CCDC73: variants seen among roughly 807,000 people sequenced by gnomAD.
The protein encoded by CCDC73 is coiled-coil domain containing 73.
A neutral mutation model predicts 116.5 loss-of-function variants in CCDC73; 95 were observed. The ratio of observed to expected loss-of-function variants is 0.82; its 90% CI spans 0.69 to 0.97. The LOEUF is 0.97. Among genes scored for constraint, CCDC73 ranks in the 50% least tolerant of loss-of-function variants. The pLI, the probability that CCDC73 is intolerant of heterozygous loss-of-function variation, is 0.00. For missense variants in CCDC73, 1,066 were observed against 1,206.8 expected (o/e 0.88, Z 1.73); for synonymous variants, 398 against 401.3 (o/e 0.99, Z 0.10).
chr11:32,805,777 T>C, the CCDC73 span, among the ~76,000 whole-genome samples: 1 of 152,140 alleles, frequency 6.6e-6, no homozygotes, highest in African/African-American at 2.4e-5. Flanking sequence ...AATTTCCACA[T>C]CTTTATGCCT....
chr11:32,797,147 T>G (rs1850733587), upstream of CCDC73, among the ~76,000 whole-genome samples: 1 of 152,166 alleles, frequency 6.6e-6, no homozygotes, highest in South Asian at 2.1e-4. Context: ...CTATCAGCAG[T>G]TAGAAACTGC....
At chr11:32,731,875 G>C (rs1480844477) in intron 2 of CCDC73, among the ~76,000 whole-genome samples, 1 of 152,224 alleles carries the variant, frequency 6.6e-6, no homozygotes, top group African/African-American at 2.4e-5. Context: ...AAGGAAAGCA[G>C]CTCCTCGCCA....
Position 32,613,891 on chromosome 11 carries a change from T to C in CCDC73, c.2427A>G (p.Lys809=), listed in dbSNP as rs369352957. ...CCTGATTCTCATCAATCTGATTCTT[T>C]TTATTGGAAAACTCTGTTTCTGTGC... ...KTCTETEFSN[K]KNQIDENQVT... is the part of the protein sequence containing the mutation. Residue 809 remains lysine, a synonymous_variant, in exon 16 of 18, where the codon AAA becomes AAG. Transcript: ENST00000335185. The C allele has an allele frequency of 1.9e-6, 3 of 1,613,120 alleles. No homozygotes were observed. In the African/African-American group the frequency reaches 4.0e-5, roughly 22 times the overall value.
intron 6 of CCDC73, among the ~76,000 whole-genome samples, chr11:32,696,174 C>A (rs1256098249): frequency 6.6e-6 from 1 of 152,080 alleles, no homozygotes; most frequent in Non-Finnish European, 1.5e-5. Flanking sequence ...TTTGTATTAA[C>A]AAACTTAATA....
At chr11:32,616,893 A>G (rs564259169) in intron 14 of CCDC73, among the ~76,000 whole-genome samples, 1 of 152,306 alleles carries the variant, frequency 6.6e-6, no homozygotes, top group South Asian at 2.1e-4. Flanking sequence ...CTATGGGCAC[A>G]TGCAGGAATA....
intron 2 of CCDC73, among the ~76,000 whole-genome samples, chr11:32,738,331 G>A (rs1235826078): frequency 6.6e-6 from 1 of 152,134 alleles, no homozygotes; most frequent in Admixed American, 6.6e-5. Flanking sequence ...CAGTGTATGA[G>A]GGTTCTCTTT....
At chr11:32,630,678 T>C (rs756878390) in intron 14 of CCDC73, among the ~76,000 whole-genome samples, 20 of 152,194 alleles carry the variant, frequency 1.3e-4, no homozygotes, top group Non-Finnish European at 2.5e-4. Flanking sequence ...TACATAACCA[T>C]GCCCACTTCT....
At chr11:32,809,299 A>G in the CCDC73 span, among the ~76,000 whole-genome samples, 1 of 152,224 alleles carries the variant, frequency 6.6e-6, no homozygotes, top group East Asian at 1.9e-4. Flanking sequence ...TTGTGAGCTC[A>G]CAAAATAAGA....
chr11:32,745,525 G>C (rs1423078468), intron 2 of CCDC73, among the ~76,000 whole-genome samples: 3 of 152,128 alleles, frequency 2.0e-5, no homozygotes, highest in African/African-American at 7.2e-5. Context: ...CTATTATTGT[G>C]TGGGAGTCTA....
chr11:32,666,829 G>A (rs1476386308), intron 9 of CCDC73, among the ~76,000 whole-genome samples: 2 of 152,172 alleles, frequency 1.3e-5, no homozygotes, highest in East Asian at 3.9e-4. Context: ...ACGTACAGAT[G>A]GGGTTTTCGT....
intron 6 of CCDC73, among the ~76,000 whole-genome samples, chr11:32,689,733 C>T (rs1216762055): frequency 2.6e-5 from 4 of 152,064 alleles, no homozygotes; most frequent in South Asian, 4.1e-4. Context: ...AAATTACTCA[C>T]GGCTGTAATC....
the CCDC73 span, among the ~76,000 whole-genome samples, chr11:32,804,780 G>T: frequency 6.6e-6 from 1 of 152,128 alleles, no homozygotes; most frequent in East Asian, 1.9e-4. Flanking sequence ...TCAAAACAAA[G>T]GTTTACTTAA....
rs763945436 is a variant in CCDC73 at position 32,649,573 on chromosome 11, C to T, written c.939+3550G>A. Among the ~76,000 whole-genome samples, 36 of 152,216 alleles carry T rather than the reference C, an allele frequency of 2.4e-4. 1 individual carries two copies. The highest frequency in any genetic ancestry group is 2.0e-3 in the Admixed American group (31 of 15,288). On this transcript the variant is annotated intron_variant, in intron 12 of 17. Coordinates refer to ENST00000335185, the MANE Select transcript of CCDC73 (RefSeq NM_001008391.4). ...AGAATGAGAATGCTCCTCAAGAAAA[C>T]ACCTGAGATATCTATGCAACATAAT...
the CCDC73 span, among the ~76,000 whole-genome samples, chr11:32,826,660 C>CA: frequency 2.2e-3 from 292 of 133,266 alleles, 1 homozygote; most frequent in Non-Finnish European, 3.6e-3. Flanking sequence ...AAAAAAAAAA[C>CA]AAAAAAAAAA....
intron 6 of CCDC73, among the ~76,000 whole-genome samples, chr11:32,693,640 G>T (rs1856282023): frequency 6.6e-6 from 1 of 152,156 alleles, no homozygotes; most frequent in Admixed American, 6.5e-5. Context: ...GAATATCCCT[G>T]ATGAACATCG....
the CCDC73 span, among the ~76,000 whole-genome samples, chr11:32,804,142 C>A: frequency 3.3e-5 from 5 of 151,052 alleles, no homozygotes; most frequent in African/African-American, 1.2e-4. Flanking sequence ...TTGAAAACAT[C>A]ATTTCGTTTT....
the CCDC73 span, among the ~76,000 whole-genome samples, chr11:32,817,660 A>G: frequency 6.6e-6 from 1 of 152,148 alleles, no homozygotes; most frequent in African/African-American, 2.4e-5. Flanking sequence ...ATGACTCCTC[A>G]CTACCTACTG....
chr11:32,613,472 G>A lies in CCDC73; in HGVS notation c.2846C>T (p.Ala949Val). ...ATCCACACCAATATTTTTACAAAGA[G>A]CCATTGAAATGATCTTTTTGTTTTC... is the stretch of plus-strand genomic sequence containing the variant. ...PSENKKIISMALCKNIGVDDV... is the reference protein window; with the variant it reads ...PSENKKIISMVLCKNIGVDDV... The change falls in exon 16 of 18, where the codon GCT becomes GTT. Residue 949 changes from alanine to valine, a missense_variant. Transcript: ENST00000335185. 1 of 1,613,850 alleles carries A rather than the reference G, an allele frequency of 6.2e-7. No homozygotes were observed. Among genetic ancestry groups the A allele is most frequent in the Non-Finnish European group, 8.5e-7 (1 of 1,179,890 alleles).
intron 6 of CCDC73, among the ~76,000 whole-genome samples, chr11:32,686,001 T>A (rs976556668): frequency 6.6e-6 from 1 of 151,920 alleles, no homozygotes; most frequent in African/African-American, 2.4e-5. Context: ...ATTAGAGGCG[T>A]GAGCCACCGC....
Sources: allele counts gnomAD v4.1 joint callset (sites outside exome capture counted in the v4.1 genomes callset), GRCh38; gene constraint gnomAD v4.1.1; transcripts MANE v1.5; gene names NCBI Gene and HGNC (gene_info 2026-07-23, HGNC 2026-07-21).